RAB28: variants seen among roughly 807,000 people sequenced by gnomAD.
RAB28 encodes ras-related protein Rab-28.
RAB28 carries 24 observed loss-of-function variants against 31.7 expected under a neutral mutation model. The observed-to-expected ratio is 0.76, with a 90% CI of 0.55 to 1.06. The LOEUF (loss-of-function observed/expected upper bound fraction) is 1.06. Among genes scored for constraint, RAB28 ranks in the 50% least tolerant of loss-of-function variants. The pLI is 0.00. For missense variants in RAB28, 254 were observed against 258.5 expected, an observed-to-expected ratio of 0.98 and a Z score of 0.12; for synonymous variants, 100 against 90.4, an observed-to-expected ratio of 1.11 and a Z score of -0.60.
chr4:13,390,587 A>C (rs1172031622), intron 4 of RAB28, among the ~76,000 whole-genome samples: 1 of 142,320 alleles, frequency 7.0e-6, no homozygotes, highest in African/African-American at 2.5e-5. Context: ...ACATGGAATC[A>C]AAAAAAAAAA....
intron 4 of RAB28, among the ~76,000 whole-genome samples, chr4:13,427,552 G>A (rs1713573366): frequency 6.6e-6 from 1 of 152,138 alleles, no homozygotes; most frequent in African/African-American, 2.4e-5. Context: ...GAAACACATG[G>A]GATTGTGCAG....
At chr4:13,463,265 C>T (rs555712543) in intron 3 of RAB28, among the ~76,000 whole-genome samples, 109 of 152,174 alleles carry the variant, frequency 7.2e-4, no homozygotes, top group African/African-American at 2.5e-3. Context: ...TGGGACAACA[C>T]CTGAATATGG....
intron 1 of RAB28, among the ~76,000 whole-genome samples, chr4:13,480,189 AACAGATAT>A: frequency 6.6e-6 from 1 of 151,884 alleles, no homozygotes; most frequent in East Asian, 1.9e-4. Context: ...TCATAACCAG[AACAGATAT>A]ACATTTGTTT....
intron 4 of RAB28, among the ~76,000 whole-genome samples, chr4:13,401,097 A>C (rs552085309): frequency 6.6e-6 from 1 of 152,332 alleles, no homozygotes; most frequent in South Asian, 2.1e-4. Flanking sequence ...AGGTATTCCA[A>C]CACCTTTGGT....
chr4:13,461,273 T>A (rs939494029), intron 3 of RAB28, among the ~76,000 whole-genome samples: 3 of 152,226 alleles, frequency 2.0e-5, no homozygotes, highest in African/African-American at 7.2e-5. Flanking sequence ...TTCCATGATA[T>A]CCCTTGATAG....
At chr4:13,373,363 T>C (rs951201945) in intron 6 of RAB28, among the ~76,000 whole-genome samples, 1 of 152,162 alleles carries the variant, frequency 6.6e-6, no homozygotes, top group Non-Finnish European at 1.5e-5. Context: ...TGGTTGGTAG[T>C]GGAGAAGGGG....
intron 4 of RAB28, among the ~76,000 whole-genome samples, chr4:13,428,347 T>C (rs1178286512): frequency 6.6e-6 from 1 of 152,072 alleles, no homozygotes; most frequent in Non-Finnish European, 1.5e-5. Flanking sequence ...CACAAATAAG[T>C]GTCTGCCAAA....
intron 6 of RAB28, chr4:13,370,563 G>A (rs936014247): frequency 5.3e-6 from 5 of 942,320 alleles, no homozygotes; most frequent in Admixed American, 6.2e-5. Flanking sequence ...GAACACAGAG[G>A]AAGGAGTAAT....
At chr4:13,377,261 C>A (rs1306819653) in intron 5 of RAB28, among the ~76,000 whole-genome samples, 2 of 152,192 alleles carry the variant, frequency 1.3e-5, no homozygotes, top group African/African-American at 4.8e-5. Context: ...TATGTCAGGT[C>A]TGCTGTAATT....
intron 4 of RAB28, among the ~76,000 whole-genome samples, chr4:13,414,500 T>C (rs975964126): frequency 1.3e-5 from 2 of 152,226 alleles, no homozygotes; most frequent in African/African-American, 4.8e-5. Context: ...AAAATCCTGA[T>C]GATTTTATAA....
chr4:13,474,035 T>C, intron 3 of RAB28: 1 of 504,240 alleles, frequency 2.0e-6, no homozygotes, highest in Non-Finnish European at 3.8e-6. Flanking sequence ...TATCAAAATA[T>C]CATTTATCAC....
chr4:13,387,348 G>A (rs1729417176), intron 4 of RAB28, among the ~76,000 whole-genome samples: 2 of 151,916 alleles, frequency 1.3e-5, no homozygotes, highest in Admixed American at 1.3e-4. Context: ...TAATCAAATA[G>A]TCATAAAATT....
chr4:13,412,920 T>G (rs567949382), intron 4 of RAB28, among the ~76,000 whole-genome samples: 2 of 151,560 alleles, frequency 1.3e-5, no homozygotes, highest in South Asian at 2.1e-4. Context: ...AAAGCTAAAT[T>G]AGAAGCAGCA....
At chr4:13,460,432 T>C (rs1457596429) in intron 4 of RAB28, among the ~76,000 whole-genome samples, 1 of 152,138 alleles carries the variant, frequency 6.6e-6, no homozygotes, top group Non-Finnish European at 1.5e-5. Context: ...GCCAGGTTTG[T>C]CCGAAACTCC....
At position 13,420,308 on chromosome 4, in the gene RAB28, A is replaced by C. The variant is rs560071804; in HGVS notation, c.392-38714T>G. On this transcript the variant is annotated intron_variant, in intron 4 of 6. Coordinates refer to ENST00000330852, the MANE Select transcript of RAB28 (RefSeq NM_001017979.3). ...AAAGGCCAGGACCAGACGGATTCAC[A>C]GCCAAATTCTACCAGAGGTACAAAG... Among the ~76,000 whole-genome samples the C allele has an allele frequency of 5.4e-3, 818 of 152,330 alleles. 4 individuals carry two copies. The highest frequency in any genetic ancestry group is 9.9e-3 in the Non-Finnish European group (671 of 68,026).
intron 5 of RAB28, among the ~76,000 whole-genome samples, chr4:13,380,268 G>A (rs1390999533): frequency 6.6e-6 from 1 of 152,044 alleles, no homozygotes; most frequent in Non-Finnish European, 1.5e-5. Context: ...TATTTTAGGT[G>A]TAAAACTATA....
At chr4:13,403,678 G>A (rs536228830) in intron 4 of RAB28, among the ~76,000 whole-genome samples, 18 of 152,072 alleles carry the variant, frequency 1.2e-4, no homozygotes, top group Non-Finnish European at 2.2e-4. Flanking sequence ...AAAGTGCCCC[G>A]GCGTACCAAG....
chr4:13,380,918 A>T (rs1729102130), intron 5 of RAB28, among the ~76,000 whole-genome samples: 1 of 151,968 alleles, frequency 6.6e-6, no homozygotes, highest in East Asian at 1.9e-4. Context: ...AACAATAAAA[A>T]TATTAAGTAA....
intron 3 of RAB28, among the ~76,000 whole-genome samples, chr4:13,471,385 A>C (rs1401038732): frequency 6.6e-6 from 1 of 152,140 alleles, no homozygotes; most frequent in Non-Finnish European, 1.5e-5. Flanking sequence ...TCTAGCCTGG[A>C]TATAGAATTT....
Sources: gnomAD v4.1 joint callset for allele counts (sites outside exome capture counted in the v4.1 genomes callset) on GRCh38, gnomAD v4.1.1 for gene constraint, MANE v1.5 for transcripts, NCBI Gene and HGNC (gene_info 2026-07-23, HGNC 2026-07-21) for gene names.